DPP6: variants seen among roughly 807,000 people sequenced by gnomAD.
DPP6 encodes dipeptidyl peptidase like 6, also known as A-type potassium channel modulatory protein DPP6.
A neutral mutation model predicts 122.6 loss-of-function variants in DPP6; 69 were observed. That is an observed-to-expected ratio of 0.56 (90% CI 0.46 to 0.69). The LOEUF (loss-of-function observed/expected upper bound fraction) is 0.69. Among genes scored for constraint, DPP6 ranks in the 30% least tolerant of loss-of-function variants. The pLI, the probability that DPP6 is intolerant of heterozygous loss-of-function variation, is 0.00. For synonymous variants in DPP6, 418 were observed against 433.1 expected (o/e 0.97, Z 0.43); for missense variants, 928 against 1,116.9 (o/e 0.83, Z 2.41).
At chr7:154,244,730 T>C (rs1801861151) in intron 1 of DPP6, among the ~76,000 whole-genome samples, 1 of 151,956 alleles carries the variant, frequency 6.6e-6, no homozygotes, top group South Asian at 2.1e-4. Context: ...AATAAGGGAA[T>C]TGAAAATGGA....
Position 154,052,814 on chromosome 7 carries a change from G to A in DPP6, c.-7G>A. On this transcript the variant is annotated 5_prime_UTR_variant, in exon 1 of 26. In the 5' UTR this introduces an upstream ATG that the reference lacks. Coordinates refer to ENST00000377770, the MANE Select transcript of DPP6 (RefSeq NM_130797.4). This position sits in a 1 kb window ranked among gnomAD's most constrained non-coding sequence, Gnocchi z 4.8. ...CCCAAAGACAGCCAGCAGGAGCGCG[G>A]TGCCCGATGGCTTCGCTGTACCAGA... is the stretch of plus-strand genomic sequence containing the variant. 6.6e-7 allele frequency: 1 copy of A among 1,521,684 alleles called. No individual in the cohort carries two copies. The allele number at this position is 1,521,684 out of a possible 1,614,324, so 94.3% of individuals were successfully genotyped here.
intron 1 of DPP6, among the ~76,000 whole-genome samples, chr7:154,319,995 A>AT (rs1807791351): frequency 1.5e-5 from 1 of 68,774 alleles, no homozygotes; most frequent in Non-Finnish European, 2.6e-5. Flanking sequence ...TGTCTCAAAT[A>AT]TTTCAAATAT....
intron 1 of DPP6, among the ~76,000 whole-genome samples, chr7:153,983,670 G>C (rs1017483768): frequency 2.6e-5 from 4 of 151,652 alleles, no homozygotes; most frequent in African/African-American, 9.7e-5. Context: ...CCAGGGACCT[G>C]GTGATATAGG....
At chr7:154,128,190 G>A (rs1415440392) in intron 1 of DPP6, among the ~76,000 whole-genome samples, 4 of 150,994 alleles carry the variant, frequency 2.6e-5, no homozygotes, top group African/African-American at 9.8e-5. Flanking sequence ...GGAACAAGCT[G>A]CAGAGTGATC....
chr7:154,343,278 A>G lies in DPP6; in HGVS notation c.244-102936A>G, dbSNP rs1295337043. ...TCTGAAGGAGTATGCAGATTCCCCA[A>G]AGGCACACAGCTAATCAGCGGTGGA... is the stretch of plus-strand genomic sequence containing the variant. On this transcript the variant is annotated intron_variant, in intron 1 of 25. Transcript: ENST00000377770. Among the ~76,000 whole-genome samples, 4 of 152,318 alleles carry G rather than the reference A, an allele frequency of 2.6e-5. No homozygotes were observed. The East Asian group carries it at 7.7e-4, about 29-fold the overall frequency.
chr7:154,015,038 G>T (rs1485681789), intron 1 of DPP6, among the ~76,000 whole-genome samples: 1 of 152,104 alleles, frequency 6.6e-6, no homozygotes, highest in African/African-American at 2.4e-5. Context: ...TTTTCTCATT[G>T]ACGTACTTGC....
At chr7:154,033,867 C>T (rs1490071221) in intron 1 of DPP6, among the ~76,000 whole-genome samples, 3 of 152,102 alleles carry the variant, frequency 2.0e-5, no homozygotes, top group Non-Finnish European at 4.4e-5. Context: ...TTACAAATAA[C>T]CACTTTTCAG....
chr7:154,413,275 C>T (rs1816768431), intron 1 of DPP6, among the ~76,000 whole-genome samples: 1 of 152,236 alleles, frequency 6.6e-6, no homozygotes, highest in Non-Finnish European at 1.5e-5. Context: ...TCATTTCCCT[C>T]AAACACTATA....
chr7:154,451,159 G>A (rs866041536), intron 2 of DPP6, among the ~76,000 whole-genome samples: 1 of 152,088 alleles, frequency 6.6e-6, no homozygotes, highest in East Asian at 1.9e-4. Context: ...TCAGGAGATC[G>A]AGACCAGCCT....
At chr7:153,767,356 A>G in the DPP6 span, among the ~76,000 whole-genome samples, 1 of 152,046 alleles carries the variant, frequency 6.6e-6, no homozygotes, top group African/African-American at 2.4e-5. Context: ...CAACTTTCAA[A>G]AAAGTGAGAA....
chr7:154,758,653 T>A (rs146141074), intron 8 of DPP6, among the ~76,000 whole-genome samples: 1,657 of 152,310 alleles, frequency 0.011, 27 homozygotes, highest in African/African-American at 0.037. Context: ...ATTACAGGTG[T>A]GAGCCACTGC....
chr7:154,778,062 G>A (rs1477877592), intron 10 of DPP6, among the ~76,000 whole-genome samples: 1 of 152,130 alleles, frequency 6.6e-6, no homozygotes, highest in Non-Finnish European at 1.5e-5. Flanking sequence ...CCACCTCATA[G>A]GCACTTATGT....
intron 4 of DPP6, among the ~76,000 whole-genome samples, chr7:154,558,112 C>T (rs566950473): frequency 1.3e-5 from 2 of 151,896 alleles, no homozygotes; most frequent in African/African-American, 2.4e-5. Context: ...CTCCACCCCC[C>T]CACAGGCCCC....
At chr7:154,030,101 T>TG (rs1281624493) in intron 1 of DPP6, among the ~76,000 whole-genome samples, 4 of 151,960 alleles carry the variant, frequency 2.6e-5, no homozygotes, top group African/African-American at 9.7e-5. Flanking sequence ...GAGATTGCAG[T>TG]GGGAGGATCA....
chr7:154,181,434 G>A (rs996174102), intron 1 of DPP6, among the ~76,000 whole-genome samples: 4 of 152,096 alleles, frequency 2.6e-5, no homozygotes, highest in African/African-American at 7.2e-5. Flanking sequence ...GCTGGTTTAT[G>A]TAAGACATGA....
chr7:153,820,646 G>T, the DPP6 span, among the ~76,000 whole-genome samples: 2 of 152,022 alleles, frequency 1.3e-5, no homozygotes, highest in African/African-American at 2.4e-5. Context: ...TAGTCACATA[G>T]CAAAGGAGGC....
chr7:153,897,097 G>A (rs1190305743), intron 1 of DPP6, among the ~76,000 whole-genome samples: 3 of 152,044 alleles, frequency 2.0e-5, no homozygotes, highest in Admixed American at 6.6e-5. Flanking sequence ...TCTGTGCTAT[G>A]TTATTATGTT....
rs1461346364 is a variant in DPP6 at position 154,060,365 on chromosome 7, C to G, written c.243+7302C>G. Among the ~76,000 whole-genome samples, 272 of 80,784 alleles carry G rather than the reference C, an allele frequency of 3.4e-3. 3 individuals are homozygous for G. Among genetic ancestry groups the G allele is most frequent in the African/African-American group, 9.1e-3 (174 of 19,024 alleles). The allele number at this position is 80,784 out of a possible 152,430, so 53.0% of individuals were successfully genotyped here. ...CCCCCCGCGAGGCAGGGACTGAGAGCCAGCCCCTGGTTCCCCCACTGGCTC... is the reference window on the plus strand; with the variant it reads ...CCCCCCGCGAGGCAGGGACTGAGAGGCAGCCCCTGGTTCCCCCACTGGCTC... On this transcript the variant is annotated intron_variant, in intron 1 of 25. Transcript: ENST00000377770.
intron 1 of DPP6, among the ~76,000 whole-genome samples, chr7:153,983,420 T>C (rs1796690082): frequency 6.6e-6 from 1 of 152,164 alleles, no homozygotes; most frequent in Non-Finnish European, 1.5e-5. Flanking sequence ...GCATCCCAGG[T>C]CAACTTCAGA....
Sources: gnomAD v4.1 joint callset for allele counts (sites outside exome capture counted in the v4.1 genomes callset) on GRCh38, gnomAD v4.1.1 for gene constraint, Gnocchi (gnomAD v3.1) non-coding constraint, MANE v1.5 for transcripts, NCBI Gene and HGNC (gene_info 2026-07-23, HGNC 2026-07-21) for gene names.